Variants in ABCA3 observed in about 807,000 individuals in gnomAD.
ABCA3 encodes the protein ATP binding cassette subfamily A member 3.
Under a neutral mutation model 172.8 loss-of-function variants are expected in ABCA3, and 88 were observed. That is an observed-to-expected ratio of 0.51 (90% CI 0.43 to 0.61). The LOEUF is 0.61. Ranked by LOEUF, ABCA3 falls within the 20% of genes least tolerant of loss-of-function variation. The probability of loss-of-function intolerance (pLI) is 0.00; values close to 1 mark genes in which losing one functional copy is unlikely to be tolerated. For synonymous variants in ABCA3, 1,066 were observed against 983.8 expected (o/e 1.08, Z -1.56); for missense variants, 2,164 against 2,301.0 (o/e 0.94, Z 1.22).
Position 2,276,916 on chromosome 16 carries a change from C to T in ABCA3, c.4984-111G>A, listed in dbSNP as rs530780679. ...TGATGAGGCCCCCACAATCCTACCC[C>T]TGCCCAGCGCCACCCCAGAGCCCCA... is the stretch of plus-strand genomic sequence containing the variant. On this transcript the variant is annotated intron_variant, in intron 32 of 32. Coordinates refer to ENST00000301732, the MANE Select transcript of ABCA3 (RefSeq NM_001089.3). 3.4e-5 allele frequency: 50 copies of T among 1,464,558 alleles called. No homozygotes were observed. In the African/African-American group the frequency reaches 6.8e-4, roughly 20 times the overall value. The allele number at this position is 1,464,558 out of a possible 1,614,324, so 90.7% of individuals were successfully genotyped here. A position where few individuals can be genotyped will look rare whatever the true frequency, so the allele number is the denominator to read the frequency against.
At chr16:2,299,956 C>A in intron 13 of ABCA3, 49 bp downstream of exon 13, 1 of 1,608,036 alleles carries the variant, frequency 6.2e-7, no homozygotes, top group African/African-American at 1.3e-5. Context: ...GTAAGTCTTC[C>A]CATGGTCCTG....
rs778279160 is a variant in ABCA3 at position 2,295,712 on chromosome 16, C to T, written c.2292G>A (p.Lys764=). Residue 764 remains lysine, a synonymous_variant, in exon 18 of 33, where the codon AAG becomes AAA. Coordinates refer to ENST00000301732, the MANE Select transcript of ABCA3 (RefSeq NM_001089.3). The part of the protein sequence containing the change: ...YGAGYHMTLV[K]EPHCNPEDIS... ...TGTCTTCCGGGTTGCAGTGCGGCTC[C>T]TTCACCAGCGTCATGTGATAGCCGG... 3 of 1,613,870 alleles carry T rather than the reference C, an allele frequency of 1.9e-6. No individual in the cohort carries two copies. The highest frequency in any genetic ancestry group is 1.6e-4 in the Middle Eastern group (1 of 6,084).
In ABCA3 at chr16:2,326,999, A is replaced by C. The variant is rs867498724; in HGVS notation, c.-26-507T>G. 9.9e-5 allele frequency among the ~76,000 whole-genome samples: 15 copies of C among 152,212 alleles called. No individual in the cohort carries two copies. The South Asian group carries it at 2.5e-3, about 25-fold the overall frequency. On this transcript the variant is annotated intron_variant, in intron 3 of 32. Transcript: ENST00000301732. Reference sequence around the variant, plus strand: ...AGTAAGACTCTGCCACAAACAAACAAACACCAAAAAAACCCAAAGAGCATA... The same window carrying C: ...AGTAAGACTCTGCCACAAACAAACACACACCAAAAAAACCCAAAGAGCATA...
At chr16:2,300,758 A>G (rs931691811) in intron 12 of ABCA3, among the ~76,000 whole-genome samples, 9 of 152,214 alleles carry the variant, frequency 5.9e-5, no homozygotes, top group African/African-American at 1.9e-4. Flanking sequence ...GCAGAGCAGC[A>G]GGGAAGGTGG....
Position 2,285,698 on chromosome 16 carries a change from G to A in ABCA3, c.3279-52C>T, listed in dbSNP as rs755623852. 6.5e-7 allele frequency: 1 copy of A among 1,537,260 alleles called. No homozygotes were observed. The highest frequency in any genetic ancestry group is 1.2e-5 in the South Asian group (1 of 83,682). On this transcript the variant is annotated intron_variant, in intron 22 of 32. Coordinates refer to ENST00000301732, the MANE Select transcript of ABCA3 (RefSeq NM_001089.3). The surrounding 1 kb of genome is among the most constrained non-coding windows in gnomAD (Gnocchi z 4.7). ...CGGAGCACAGCACGTCTGGGTGGCA[G>A]GAGAGGTCGGGTTCTCGGTTATGAC...
At chr16:2,276,894 TGAG>T (rs2093647308) in intron 32 of ABCA3, 89 bp from the exon 33 acceptor site, 1 of 1,547,586 alleles carries the variant, frequency 6.5e-7, no homozygotes, top group Non-Finnish European at 8.8e-7. Context: ...TAGGGGCTGA[TGAG>T]GCCCCCACAA....
chr16:2,285,456 T>C lies in ABCA3; in HGVS notation c.3469A>G (p.Ser1157Gly). 1 of 1,610,768 alleles carries C rather than the reference T, an allele frequency of 6.2e-7. No individual in the cohort carries two copies. Among genetic ancestry groups the C allele is most frequent in the Non-Finnish European group, 8.5e-7 (1 of 1,178,660 alleles). Reference sequence around the variant, plus strand: ...CCGGCGCTCACCAGCAGCAGCAGACTGGGGATGAGGAAGGAGATGAGGTCC... The same window carrying C: ...CCGGCGCTCACCAGCAGCAGCAGACCGGGGATGAGGAAGGAGATGAGGTCC... ...LWDLISFLIPSLLLLVVFKAF... is the reference protein window; with the variant it reads ...LWDLISFLIPGLLLLVVFKAF... Residue 1157 changes from serine to glycine, a missense_variant, in exon 23 of 33, where the codon AGT becomes GGT. By Grantham distance (56) the Ser-to-Gly change is moderately conservative. Around this residue, in one of 3 missense-constraint regions of ABCA3, gnomAD observed 795 missense variants for 881.9 expected, o/e 0.90. Coordinates refer to ENST00000301732, the MANE Select transcript of ABCA3 (RefSeq NM_001089.3). The surrounding 1 kb of genome is among the most constrained non-coding windows in gnomAD (Gnocchi z 4.7).
rs1270214191 is a variant in ABCA3 at position 2,284,305 on chromosome 16, A to G, written c.3836T>C (p.Val1279Ala). 3 of 1,613,566 alleles carry G rather than the reference A, an allele frequency of 1.9e-6. No individual in the cohort carries two copies. The Admixed American group carries it at 5.0e-5, about 27-fold the overall frequency. The change falls in exon 25 of 33, where the codon GTC becomes GCC. Residue 1279 changes from valine to alanine, a missense_variant. By Grantham distance (64) the Val-to-Ala change is moderately conservative. Coordinates refer to ENST00000301732, the MANE Select transcript of ABCA3 (RefSeq NM_001089.3). This position sits in a 1 kb window ranked among gnomAD's most constrained non-coding sequence, Gnocchi z 5.9. ...ETRRYCTSSE[V>A]AAHYCKKYNI... ...ATATTTCTTGCAGTAGTGGGCGGCG[A>G]CCTCGGAGGAGGTGCAGTACCTCCG... is the stretch of plus-strand genomic sequence containing the variant.
At chr16:2,299,013 AGGC>A (rs2093684588) in intron 14 of ABCA3, among the ~76,000 whole-genome samples, 4 of 151,580 alleles carry the variant, frequency 2.6e-5, no homozygotes, top group Non-Finnish European at 4.4e-5. Flanking sequence ...TCACAGACAG[AGGC>A]GGTGAGGAGG....
chr16:2,280,902 T>A, intron 28 of ABCA3, 125 bp downstream of exon 28: 1 of 1,276,446 alleles, frequency 7.8e-7, no homozygotes, highest in Non-Finnish European at 1.1e-6. Context: ...AGGCATGTGC[T>A]GGGCCCATTT....
rs370621453 is a variant in ABCA3, at chr16:2,277,703, G to C, written c.4910-33C>G. On this transcript the variant is annotated intron_variant, in intron 31 of 32. Coordinates refer to ENST00000301732, the MANE Select transcript of ABCA3 (RefSeq NM_001089.3). This position sits in a 1 kb window ranked among gnomAD's most constrained non-coding sequence, Gnocchi z 5.3. ...AAGGAGAGACGGTGTTGCTGTGAGC[G>C]CCGGGCTGGAGGATCGGGGAGGGTG... 6.2e-7 allele frequency: 1 copy of C among 1,612,036 alleles called. No homozygotes were observed. The highest frequency in any genetic ancestry group is 2.2e-5 in the East Asian group (1 of 44,848).
intron 19 of ABCA3, among the ~76,000 whole-genome samples, chr16:2,291,756 G>C (rs574726661): frequency 3.3e-5 from 5 of 152,308 alleles, no homozygotes; most frequent in Admixed American, 3.3e-4. Context: ...TCATAACCGA[G>C]GTGACTGTTT....
At chr16:2,316,290 CAGAACA>C (rs1021803700) in intron 10 of ABCA3, among the ~76,000 whole-genome samples, 2 of 87,258 alleles carry the variant, frequency 2.3e-5, no homozygotes, top group Non-Finnish European at 4.4e-5. Flanking sequence ...GCCTGGGCAA[CAGAACA>C]AGAGGCAGTC....
intron 10 of ABCA3, among the ~76,000 whole-genome samples, chr16:2,314,637 C>T (rs889560180): frequency 6.6e-6 from 1 of 151,980 alleles, no homozygotes; most frequent in Non-Finnish European, 1.5e-5. Flanking sequence ...AGTGCAGTGG[C>T]ATGATCACGG....
At chr16:2,318,673 T>C (rs1396761931) in intron 8 of ABCA3, among the ~76,000 whole-genome samples, 3 of 151,944 alleles carry the variant, frequency 2.0e-5, no homozygotes, top group Admixed American at 6.6e-5. Flanking sequence ...CTACCACGCC[T>C]GGCTAATTTT....
At chr16:2,296,828 G>A (rs953314059) in intron 17 of ABCA3, among the ~76,000 whole-genome samples, 2 of 152,228 alleles carry the variant, frequency 1.3e-5, no homozygotes, top group Admixed American at 6.5e-5. Flanking sequence ...GTCCTGAGGG[G>A]AGGAGGGCTC....
chr16:2,295,490 G>C, intron 18 of ABCA3, 100 bp downstream of exon 18: 1 of 1,563,292 alleles, frequency 6.4e-7, no homozygotes, highest in South Asian at 1.1e-5. Flanking sequence ...GGCCAGGCCA[G>C]AGAGGGGCAG....
chr16:2,286,667 G>A lies in ABCA3; in HGVS notation c.3278+27C>T, dbSNP rs1285510088. 5 of 1,611,894 alleles carry A rather than the reference G, an allele frequency of 3.1e-6. No homozygotes were observed. The highest frequency in any genetic ancestry group is 2.1e-4 in the Middle Eastern group (1 of 4,856). ...GTCAGTCCTGGGGGCTCTGGCCAGGGCAGACAGGGACGGGCAGTGCACATA... is the reference window on the plus strand; with the variant it reads ...GTCAGTCCTGGGGGCTCTGGCCAGGACAGACAGGGACGGGCAGTGCACATA... On this transcript the variant is annotated intron_variant, in intron 22 of 32. Transcript: ENST00000301732. This position sits in a 1 kb window ranked among gnomAD's most constrained non-coding sequence, Gnocchi z 5.2.
intron 8 of ABCA3, among the ~76,000 whole-genome samples, chr16:2,319,256 C>T (rs1036235525): frequency 2.3e-4 from 35 of 152,150 alleles, no homozygotes; most frequent in Non-Finnish European, 4.0e-4. Context: ...GAGGCCGAGG[C>T]GGGCGGATCA....
Sources: gnomAD v4.1 joint callset for allele counts (sites outside exome capture counted in the v4.1 genomes callset) on GRCh38, gnomAD v4.1.1 for gene constraint, gnomAD v4.1.1 regional missense constraint, Gnocchi (gnomAD v3.1) non-coding constraint, MANE v1.5 for transcripts, NCBI Gene and HGNC (gene_info 2026-07-23, HGNC 2026-07-21) for gene names.